Variants in MUTYH observed in about 807,000 individuals in gnomAD.
MUTYH encodes adenine DNA glycosylase.
Under a neutral mutation model 72.9 loss-of-function variants are expected in MUTYH, and 64 were observed. That is an observed-to-expected ratio of 0.88 (90% confidence interval 0.72 to 1.08). The LOEUF is 1.08. Among genes scored for constraint, MUTYH ranks in the 50% least tolerant of loss-of-function variants. The pLI, the probability that MUTYH is intolerant of heterozygous loss-of-function variation, is 0.00. For missense variants in MUTYH, 633 were observed against 671.0 expected, an observed-to-expected ratio of 0.94 and a Z score of 0.63; for synonymous variants, 234 against 263.1, an observed-to-expected ratio of 0.89 and a Z score of 1.07.
chr1:45,333,363 G>C (rs1017005172), intron 3 of MUTYH, 39 bp from the exon 4 acceptor site: 3 of 1,613,896 alleles, frequency 1.9e-6, no homozygotes, highest in African/African-American at 2.7e-5. Context: ...AGGGTGGAGG[G>C]GGCTGGGTGC....
At chr1:45,340,080 G>A (rs949557278), upstream of MUTYH, 1 of 1,545,480 alleles carries the variant, frequency 6.5e-7, no homozygotes, top group African/African-American at 1.4e-5. Flanking sequence ...GGCAATTAGC[G>A]CGCGCCAGGC....
chr1:45,340,119 C>G, upstream of MUTYH: 1 of 1,564,420 alleles, frequency 6.4e-7, no homozygotes, highest in Non-Finnish European at 8.6e-7. Context: ...CCCGGGACGT[C>G]TGAACGGAAG....
intron 15 of MUTYH, chr1:45,329,798 C>G (rs1644461974): frequency 4.0e-6 from 1 of 250,748 alleles, no homozygotes; most frequent in Non-Finnish European, 7.8e-6. Context: ...CACCTTTGCT[C>G]ACACTACTCT....
intron 11 of MUTYH, 51 bp downstream of exon 11, chr1:45,331,972 C>T (rs1644968131): frequency 5.0e-6 from 8 of 1,613,700 alleles, no homozygotes; most frequent in Non-Finnish European, 5.9e-6. Flanking sequence ...TGGAATGGGG[C>T]TTCTGACTGG....
In MUTYH at chr1:45,332,639, G is replaced by A. The variant is rs2149151527; in HGVS notation, c.541C>T (p.Gln181Ter). ...CGCCCCACGCCAGGCAGGAGCTGCT[G>A]CAGGGTCTCTGCTGTACGTGGCATG... ...GHMPRTAETL[Q>*]QLLPGVGRYT... Residue 181 changes from glutamine to a stop codon, truncating the protein, a stop_gained, in exon 8 of 16, where the codon CAG (glutamine) becomes TAG (stop). Transcript: ENST00000456914. LOFTEE classifies it high-confidence loss of function. 1 of 1,614,150 alleles carries A rather than the reference G, an allele frequency of 6.2e-7. No individual in the cohort carries two copies. The highest frequency in any genetic ancestry group is 8.5e-7 in the Non-Finnish European group (1 of 1,180,020).
chr1:45,331,722 AC>A lies in MUTYH; in HGVS notation c.1040del (p.Cys347LeufsTer33). The A allele has an allele frequency of 6.2e-7, 1 of 1,614,170 alleles. No individual in the cohort carries two copies. The highest frequency in any genetic ancestry group is 8.5e-7 in the Non-Finnish European group (1 of 1,180,032). On this transcript the variant is annotated frameshift_variant, in exon 12 of 16. Transcript: ENST00000456914. LOFTEE classifies it high-confidence loss of function. ...CAAGGGCCCCAGGCTGTTCCAGAACACAGGTGGCAGAGCTCTCCTCCCTGGG... is the reference window on the plus strand; with the variant it reads ...CAAGGGCCCCAGGCTGTTCCAGAACAAGGTGGCAGAGCTCTCCTCCCTGGG... ...KPPREESSAT[C>X]VLEQPGALGA...
intron 1 of MUTYH, among the ~76,000 whole-genome samples, chr1:45,335,674 T>G (rs1349216129): frequency 1.3e-5 from 2 of 151,870 alleles, no homozygotes; most frequent in Admixed American, 1.3e-4. Context: ...CTGGCCAACA[T>G]GGCGAAACCC....
intron 14 of MUTYH, 117 bp from the exon 15 acceptor site, chr1:45,330,674 G>GCGTGAGCCAC: frequency 8.0e-7 from 1 of 1,254,736 alleles, no homozygotes; most frequent in Non-Finnish European, 1.1e-6. Context: ...TTTTGGCCAG[G>GCGTGAGCCAC]CATGGTGGCT....
chr1:45,334,380 T>C lies in MUTYH; in HGVS notation c.115+11A>G, dbSNP rs756276594. On this transcript the variant is annotated intron_variant, in intron 2 of 15. Transcript: ENST00000456914. Reference sequence around the variant, plus strand: ...GGCCAATGAGCCTTGGGCCACAACCTAGTTCCTTACCATCACAGGCAGAAG... The same window carrying C: ...GGCCAATGAGCCTTGGGCCACAACCCAGTTCCTTACCATCACAGGCAGAAG... The C allele has an allele frequency of 3.7e-6, 6 of 1,613,940 alleles. No homozygotes were observed. In the South Asian group the frequency reaches 6.6e-5, roughly 18 times the overall value.
In MUTYH at chr1:45,332,279, G is replaced by A. The variant is rs769237459; in HGVS notation, c.736C>T (p.Arg246Trp). Residue 246 changes from arginine to tryptophan, a missense_variant, in exon 10 of 16, where the codon CGG (arginine) becomes TGG (tryptophan). Transcript: ENST00000456914. ...GCTGCTTGGTTGAAATCTCCTGGCCGGGCTGGGTCCACCAGCTGCTGGGCT... is the reference window on the plus strand; with the variant it reads ...GCTGCTTGGTTGAAATCTCCTGGCCAGGCTGGGTCCACCAGCTGCTGGGCT... ...GLAQQLVDPA[R>W]PGDFNQAAME... 1.7e-5 allele frequency: 28 copies of A among 1,614,042 alleles called. No individual in the cohort carries two copies. Among genetic ancestry groups the A allele is most frequent in the Middle Eastern group, 1.7e-4 (1 of 6,060 alleles).
In MUTYH at chr1:45,329,339, A is replaced by G. The variant is rs756708148; in HGVS notation, c.1533T>C (p.Thr511=). 5 of 1,614,200 alleles carry G rather than the reference A, an allele frequency of 3.1e-6. No homozygotes were observed. Among genetic ancestry groups the G allele is most frequent in the Non-Finnish European group, 4.2e-6 (5 of 1,180,040 alleles). Residue 511 remains threonine, a synonymous_variant, in exon 16 of 16, where the codon ACT becomes ACC. Transcript: ENST00000456914. ...LDNFFRSHIS[T]DAHSLNSAAQ is the part of the protein sequence containing the mutation. Reference sequence around the variant, plus strand: ...CTGCACTGTTGAGGCTGTGTGCATCAGTGGAGATGTGAGACCGAAAGAAAT... The same window carrying G: ...CTGCACTGTTGAGGCTGTGTGCATCGGTGGAGATGTGAGACCGAAAGAAAT...
At position 45,331,751 on chromosome 1, in the gene MUTYH, G is replaced by A. The variant is rs267598622; in HGVS notation, c.1012C>T (p.Pro338Ser). The A allele has an allele frequency of 1.2e-6, 2 of 1,614,106 alleles. No individual in the cohort carries two copies. The highest frequency in any genetic ancestry group is 2.2e-5 in the East Asian group (1 of 44,890). ...VNFPRKASRK[P>S]PREESSATCV... ...GTGGCAGAGCTCTCCTCCCTGGGGG[G>A]CTTGCGGCTGGCCTTTCTGGGGAAG... The change falls in exon 12 of 16, where the codon CCC becomes TCC. Residue 338 changes from proline to serine, a missense_variant. By Grantham distance (74) the Pro-to-Ser change is moderately conservative (BLOSUM62 -1). Transcript: ENST00000456914.
Position 45,333,359 on chromosome 1 carries a change from GA to G in MUTYH, c.265-36del, listed in dbSNP as rs1222872203. The G allele has an allele frequency of 3.7e-6, 6 of 1,614,048 alleles. No individual in the cohort carries two copies. In the African/African-American group the frequency reaches 6.7e-5, roughly 18 times the overall value. ...CAACCCCAGATGAGGAGTTAGGGTG[GA>G]GGGGGCTGGGTGCCTGCCTCCCACC... On this transcript the variant is annotated intron_variant, in intron 3 of 15. Coordinates refer to ENST00000456914, the MANE Select transcript of MUTYH (RefSeq NM_001048174.2).
rs780771494 is a variant in MUTYH, at chr1:45,330,128, G to A, written c.1434+388C>T. ...GGCACCTGTAATCCCAGCTACTTGG[G>A]AGACTGAGGCAGGAGAATCGCTTTA... is the stretch of plus-strand genomic sequence containing the variant. On this transcript the variant is annotated intron_variant, in intron 15 of 15. Coordinates refer to ENST00000456914, the MANE Select transcript of MUTYH (RefSeq NM_001048174.2). The A allele has an allele frequency of 1.1e-3, 199 of 181,488 alleles. 1 individual carries two copies. Among genetic ancestry groups the A allele is most frequent in the Middle Eastern group, 5.1e-3 (2 of 394 alleles). 11.2% of individuals were successfully genotyped at this position (181,488 alleles called of 1,614,324 possible).
Position 45,332,637 on chromosome 1 carries a change from C to T in MUTYH, c.543G>A (p.Gln181=), listed in dbSNP as rs730881837. ...GHMPRTAETL[Q]QLLPGVGRYT... ...AGCGCCCCACGCCAGGCAGGAGCTG[C>T]TGCAGGGTCTCTGCTGTACGTGGCA... The change falls in exon 8 of 16, where the codon CAG becomes CAA. Residue 181 remains glutamine, a synonymous_variant. Transcript: ENST00000456914. 2.5e-6 allele frequency: 4 copies of T among 1,614,166 alleles called. No individual in the cohort carries two copies. The highest frequency in any genetic ancestry group is 3.4e-6 in the Non-Finnish European group (4 of 1,180,004).
chr1:45,329,275 G>A lies in MUTYH; in HGVS notation c.*31C>T. On this transcript the variant is annotated 3_prime_UTR_variant, in exon 16 of 16. Transcript: ENST00000456914. ...AAAATAAGCACTTTACTAACAACAG[G>A]ATTCTCAGGGAATGGGGGCTTTCAG... 3 of 1,613,964 alleles carry A rather than the reference G, an allele frequency of 1.9e-6. No individual in the cohort carries two copies. The highest frequency in any genetic ancestry group is 2.5e-6 in the Non-Finnish European group (3 of 1,179,884).
Position 45,331,859 on chromosome 1 carries a change from G to T in MUTYH, c.914-10C>A. On this transcript the variant is annotated splice_polypyrimidine_tract_variant and intron_variant, in intron 11 of 15. Coordinates refer to ENST00000456914, the MANE Select transcript of MUTYH (RefSeq NM_001048174.2). ...TGTCCAGTGTTGGGAGCTGGGAACG[G>T]AGATCCCCGAACCCTACTCAAGCCA... is the stretch of plus-strand genomic sequence containing the variant. 6.3e-7 allele frequency: 1 copy of T among 1,599,792 alleles called. No individual in the cohort carries two copies. The highest frequency in any genetic ancestry group is 8.5e-7 in the Non-Finnish European group (1 of 1,173,146).
chr1:45,331,632 A>C (rs767398171), intron 12 of MUTYH, 29 bp downstream of exon 12: 14 of 1,613,368 alleles, frequency 8.7e-6, no homozygotes, highest in Non-Finnish European at 1.1e-5. Context: ...TACTCATGCC[A>C]CTGCCCTCCA....
intron 14 of MUTYH, among the ~76,000 whole-genome samples, chr1:45,330,898 A>C (rs1039304350): frequency 6.6e-6 from 1 of 152,146 alleles, no homozygotes; most frequent in Non-Finnish European, 1.5e-5. Context: ...CAGCCTGGCC[A>C]GCATGGTGAA....
Sources: allele counts gnomAD v4.1 joint callset (sites outside exome capture counted in the v4.1 genomes callset), GRCh38; gene constraint gnomAD v4.1.1; transcripts MANE v1.5; gene names NCBI Gene and HGNC (gene_info 2026-07-23, HGNC 2026-07-21).